The following FSHR variants were observed in gnomAD, a reference collection of about 807,000 sequenced individuals.
FSHR encodes the protein follicle stimulating hormone receptor.
In FSHR, 46 loss-of-function variants were observed where a neutral mutation model predicts 52.1. That is an observed-to-expected ratio of 0.88 (90% confidence interval 0.70 to 1.13). The LOEUF is 1.13. Among genes scored for constraint, FSHR ranks in the 50% most tolerant of loss-of-function variants. The pLI is 0.00. For missense variants in FSHR, 964 were observed against 834.6 expected (o/e 1.16, Z -1.91); for synonymous variants, 399 against 309.6 (o/e 1.29, Z -3.03).
chr2:49,135,715 A>G (rs1672466596), intron 1 of FSHR, among the ~76,000 whole-genome samples: 1 of 152,170 alleles, frequency 6.6e-6, no homozygotes, highest in East Asian at 1.9e-4. Flanking sequence ...CTAATAGCCT[A>G]CTGTCAACCA....
intron 1 of FSHR, 144 bp downstream of exon 1, chr2:49,154,122 G>C: frequency 2.4e-6 from 2 of 831,342 alleles, no homozygotes; most frequent in Non-Finnish European, 4.1e-6. Flanking sequence ...GGTTGGGCTG[G>C]GGAGTTAGTT....
At chr2:49,052,366 T>C (rs1321986588) in intron 2 of FSHR, among the ~76,000 whole-genome samples, 1 of 146,416 alleles carries the variant, frequency 6.8e-6, no homozygotes, top group African/African-American at 2.7e-5. Flanking sequence ...TGATACACTT[T>C]ACATACTCAT....
intron 2 of FSHR, 46 bp from the exon 3 acceptor site, chr2:49,020,206 C>A (rs1255493483): frequency 6.8e-7 from 1 of 1,473,492 alleles, no homozygotes; most frequent in Non-Finnish European, 9.5e-7. Context: ...AGTTACACTC[C>A]TTGAATATTT....
intron 1 of FSHR, among the ~76,000 whole-genome samples, chr2:49,101,461 G>C (rs1242134159): frequency 6.6e-6 from 1 of 152,034 alleles, no homozygotes; most frequent in East Asian, 1.9e-4. Context: ...AAATAGACAA[G>C]GGTACGATTA....
Position 48,963,702 on chromosome 2 carries a change from G to T in FSHR, c.1119C>A (p.Ser373Arg). ...NILRVLIWFISILAITGNIIV... is the reference protein window; with the variant it reads ...NILRVLIWFIRILAITGNIIV... ...TGATGTTCCCAGTGATGGCCAGGAT[G>T]CTGATAAACCATATCAGGACTCTGA... is the stretch of plus-strand genomic sequence containing the variant. The change falls in exon 10 of 10, where the codon AGC (serine) becomes AGA (arginine). Residue 373 changes from serine (S) to arginine (R), a missense_variant. By Grantham distance (110) the Ser-to-Arg change is moderately radical. Transcript: ENST00000406846. 1 of 1,614,172 alleles carries T rather than the reference G, an allele frequency of 6.2e-7. No homozygotes were observed. Among genetic ancestry groups the T allele is most frequent in the Non-Finnish European group, 8.5e-7 (1 of 1,180,020 alleles).
At chr2:49,062,781 A>T (rs1394104192) in intron 2 of FSHR, among the ~76,000 whole-genome samples, 2 of 152,156 alleles carry the variant, frequency 1.3e-5, no homozygotes, top group Non-Finnish European at 2.9e-5. Flanking sequence ...AAGACATACA[A>T]ATGGTCAATA....
Position 48,990,570 on chromosome 2 carries a change from A to C in FSHR, c.442T>G (p.Leu148Val), listed in dbSNP as rs1457041569. 1 of 1,606,690 alleles carries C rather than the reference A, an allele frequency of 6.2e-7. No homozygotes were observed. The highest frequency in any genetic ancestry group is 8.5e-7 in the Non-Finnish European group (1 of 1,173,402). ...TCACTCAAGGAAAAAACTTACAGTA[A>C]AACTTTTTGGAGAGAATGAATCTTG... The part of the protein sequence containing the change: ...VHKIHSLQKV[L>V]LDIQDNINIH... The change falls in exon 5 of 10, where the codon TTA (leucine) becomes GTA (valine). Residue 148 changes from leucine (L) to valine (V), a missense_variant. Physicochemically the swap from Leu to Val is conservative, Grantham distance 32 (BLOSUM62 1). Coordinates refer to ENST00000406846, the MANE Select transcript of FSHR (RefSeq NM_000145.4).
At chr2:49,038,262 T>G (rs968034670) in intron 2 of FSHR, among the ~76,000 whole-genome samples, 1 of 151,950 alleles carries the variant, frequency 6.6e-6, no homozygotes, top group Admixed American at 6.6e-5. Flanking sequence ...AAGAAACAAA[T>G]AGAGTTTAAG....
intron 8 of FSHR, among the ~76,000 whole-genome samples, chr2:48,981,107 G>A (rs1385518081): frequency 6.6e-6 from 1 of 152,054 alleles, no homozygotes; most frequent in African/African-American, 2.4e-5. Flanking sequence ...CTAAGAACAG[G>A]GTACATGAAC....
intron 2 of FSHR, among the ~76,000 whole-genome samples, chr2:49,047,560 A>G (rs1668706900): frequency 6.6e-6 from 1 of 152,218 alleles, no homozygotes; most frequent in Non-Finnish European, 1.5e-5. Flanking sequence ...ATTAAAGCAG[A>G]TGGTCCTTAA....
intron 1 of FSHR, among the ~76,000 whole-genome samples, chr2:49,113,027 C>T (rs966705464): frequency 6.6e-6 from 1 of 152,076 alleles, no homozygotes; most frequent in Non-Finnish European, 1.5e-5. Context: ...GAAAACGGGC[C>T]ACTTAATAGA....
intron 2 of FSHR, among the ~76,000 whole-genome samples, chr2:49,042,841 T>G (rs1668525231): frequency 6.6e-6 from 1 of 152,216 alleles, no homozygotes; most frequent in African/African-American, 2.4e-5. Context: ...GTTTCCATTT[T>G]CATATAAATA....
chr2:49,044,421 T>C (rs1668585135), intron 2 of FSHR, among the ~76,000 whole-genome samples: 3 of 152,214 alleles, frequency 2.0e-5, no homozygotes, highest in Admixed American at 6.5e-5. Context: ...GGGAACATGG[T>C]AATGAACTCT....
At chr2:49,006,022 T>C (rs1296438625) in intron 4 of FSHR, among the ~76,000 whole-genome samples, 1 of 152,148 alleles carries the variant, frequency 6.6e-6, no homozygotes, top group East Asian at 1.9e-4. Flanking sequence ...CCTCTCAGCC[T>C]ACATCTTTCT....
intron 2 of FSHR, among the ~76,000 whole-genome samples, chr2:49,063,521 A>G (rs928900123): frequency 2.6e-5 from 4 of 152,288 alleles, no homozygotes. Flanking sequence ...ATTCACAGCA[A>G]CATAGATAAT....
intron 2 of FSHR, among the ~76,000 whole-genome samples, chr2:49,067,322 C>G (rs1441541055): frequency 1.3e-5 from 2 of 152,022 alleles, no homozygotes; most frequent in Non-Finnish European, 2.9e-5. Flanking sequence ...CTTGCTTCTT[C>G]AGACTTCAGG....
At chr2:49,004,690 GAGTGTC>G (rs1667018127) in intron 4 of FSHR, among the ~76,000 whole-genome samples, 1 of 152,118 alleles carries the variant, frequency 6.6e-6, no homozygotes, top group Non-Finnish European at 1.5e-5. Flanking sequence ...TGGCTGATGG[GAGTGTC>G]TGATGAGGAT....
At chr2:49,119,106 C>T (rs1671707856) in intron 1 of FSHR, among the ~76,000 whole-genome samples, 1 of 152,162 alleles carries the variant, frequency 6.6e-6, no homozygotes, top group Non-Finnish European at 1.5e-5. Flanking sequence ...GATAAGACTA[C>T]TTATGGACAC....
intron 6 of FSHR, among the ~76,000 whole-genome samples, chr2:48,985,076 TAAGAG>T: frequency 6.6e-6 from 1 of 151,482 alleles, no homozygotes. Flanking sequence ...CCTGGTCTCT[TAAGAG>T]AGGAAGTACC....
Sources: allele counts gnomAD v4.1 joint callset (sites outside exome capture counted in the v4.1 genomes callset), GRCh38; gene constraint gnomAD v4.1.1; transcripts MANE v1.5; gene names NCBI Gene and HGNC (gene_info 2026-07-23, HGNC 2026-07-21).